Variants in OSBPL1A observed in about 807,000 individuals in gnomAD.
OSBPL1A encodes oxysterol binding protein like 1A, also known as oxysterol-binding protein-related protein 1.
Under a neutral mutation model 137.1 loss-of-function variants are expected in OSBPL1A, and 80 were observed. The observed-to-expected ratio is 0.58, with a 90% CI of 0.49 to 0.70. The LOEUF (loss-of-function observed/expected upper bound fraction) is 0.70. Among genes scored for constraint, OSBPL1A ranks in the 30% least tolerant of loss-of-function variants. The probability of loss-of-function intolerance (pLI) is 0.00; values close to 1 mark genes in which losing one functional copy is unlikely to be tolerated. For synonymous variants in OSBPL1A, 365 were observed against 389.7 expected (o/e 0.94, Z 0.75); for missense variants, 970 against 1,129.4 (o/e 0.86, Z 2.02).
chr18:24,366,585 C>A, intron 4 of OSBPL1A: 1 of 233,320 alleles, frequency 4.3e-6, no homozygotes, highest in East Asian at 8.7e-5. Context: ...GTAAGTTATA[C>A]CTCAATGAAG....
At position 24,317,368 on chromosome 18, in the gene OSBPL1A, C is replaced by T. The variant is rs774455131; in HGVS notation, c.765G>A (p.Trp255Ter). 2 of 1,613,594 alleles carry T rather than the reference C, an allele frequency of 1.2e-6. No homozygotes were observed. Among genetic ancestry groups the T allele is most frequent in the Non-Finnish European group, 8.5e-7 (1 of 1,179,780 alleles). The change falls in exon 10 of 28, where the codon TGG becomes TGA. Residue 255 changes from tryptophan to a stop codon, truncating the protein, a stop_gained. Transcript: ENST00000319481. LOFTEE classifies it high-confidence loss of function. ...SSRFFGWRLFWVVLEHGVLSW... is the reference protein window; with the variant it reads ...SSRFFGWRLF ...AAAGGACTCCATGCTCTAACACTAC[C>T]CAGAATAATCTCCAGCCAAAAAATC...
At position 24,268,525 on chromosome 18, in the gene OSBPL1A, AT is replaced by A. The variant is rs67553198; in HGVS notation, c.1281+12316del. On this transcript the variant is annotated intron_variant, in intron 15 of 27. Coordinates refer to ENST00000319481, the MANE Select transcript of OSBPL1A (RefSeq NM_080597.4). ...TCTGCATGTTCTGCACATGTACCCC[AT>A]TTTTTTTTGTTTTTGTTTTTTAGAA... is the stretch of plus-strand genomic sequence containing the variant. Among the ~76,000 whole-genome samples the A allele has an allele frequency of 4.1e-3, 622 of 150,724 alleles. 4 individuals are homozygous for A. The highest frequency in any genetic ancestry group is 0.014 in the African/African-American group (563 of 41,006).
chr18:24,379,578 G>T (rs116329432), intron 1 of OSBPL1A, among the ~76,000 whole-genome samples: 1 of 151,308 alleles, frequency 6.6e-6, no homozygotes, highest in Non-Finnish European at 1.5e-5. Context: ...TTGAAACGAA[G>T]TTCTAAAAAA....
chr18:24,384,337 G>A (rs1906795830), intron 1 of OSBPL1A, among the ~76,000 whole-genome samples: 1 of 152,214 alleles, frequency 6.6e-6, no homozygotes, highest in African/African-American at 2.4e-5. Flanking sequence ...ACTTTGGGAG[G>A]CCAAGGTGGG....
intron 4 of OSBPL1A, chr18:24,347,732 C>T (rs2091368711): frequency 6.7e-6 from 1 of 149,920 alleles, no homozygotes; most frequent in African/African-American, 2.5e-5. Context: ...ATCCCAACTA[C>T]TCGGGAGGGT....
intron 5 of OSBPL1A, among the ~76,000 whole-genome samples, chr18:24,337,686 C>A (rs373757971): frequency 2.0e-5 from 3 of 151,490 alleles, no homozygotes; most frequent in East Asian, 3.9e-4. Context: ...TGGATTAGAT[C>A]CTAGAATCTA....
chr18:24,190,072 G>T (rs2086848361), intron 18 of OSBPL1A, among the ~76,000 whole-genome samples: 2 of 152,206 alleles, frequency 1.3e-5, no homozygotes, highest in African/African-American at 4.8e-5. Context: ...TTCCTGCTTA[G>T]GAGCTGAAGA....
chr18:24,315,610 AATC>A (rs951042099), intron 11 of OSBPL1A, among the ~76,000 whole-genome samples: 11 of 126,188 alleles, frequency 8.7e-5, no homozygotes, highest in African/African-American at 2.0e-4. Flanking sequence ...TATATATTAT[AATC>A]ATAATATAAT....
intron 18 of OSBPL1A, among the ~76,000 whole-genome samples, chr18:24,183,428 T>A (rs1182748168): frequency 6.6e-6 from 1 of 151,318 alleles, no homozygotes; most frequent in Non-Finnish European, 1.5e-5. Flanking sequence ...TTTTTCTTTT[T>A]CTTTTTCTTT....
chr18:24,214,465 G>C (rs1396811402), intron 17 of OSBPL1A, among the ~76,000 whole-genome samples: 2 of 152,134 alleles, frequency 1.3e-5, no homozygotes, highest in Non-Finnish European at 2.9e-5. Context: ...TAATTTTGTT[G>C]GTTGGGGAGG....
At chr18:24,275,963 A>G (rs2089837398) in intron 15 of OSBPL1A, among the ~76,000 whole-genome samples, 1 of 152,144 alleles carries the variant, frequency 6.6e-6, no homozygotes, top group Non-Finnish European at 1.5e-5. Context: ...TCCTAACCTC[A>G]GGTGATCCAC....
At chr18:24,237,516 G>A (rs2088525710) in intron 16 of OSBPL1A, among the ~76,000 whole-genome samples, 1 of 152,140 alleles carries the variant, frequency 6.6e-6, no homozygotes, top group Non-Finnish European at 1.5e-5. Flanking sequence ...TGTTGCCCAG[G>A]CTGGTCTCGA....
intron 21 of OSBPL1A, among the ~76,000 whole-genome samples, chr18:24,174,383 T>C (rs1239906234): frequency 6.6e-6 from 1 of 152,200 alleles, no homozygotes; most frequent in African/African-American, 2.4e-5. Context: ...AATTCAAAAC[T>C]TGGACATCTG....
At chr18:24,334,711 A>G (rs1388128904) in intron 5 of OSBPL1A, among the ~76,000 whole-genome samples, 2 of 152,236 alleles carry the variant, frequency 1.3e-5, no homozygotes, top group African/African-American at 4.8e-5. Context: ...AGAAAGATGT[A>G]CATGTCGTAT....
At chr18:24,187,944 A>C (rs1455328719) in intron 18 of OSBPL1A, among the ~76,000 whole-genome samples, 1 of 152,346 alleles carries the variant, frequency 6.6e-6, no homozygotes, top group East Asian at 1.9e-4. Context: ...TTTCTGGCTC[A>C]GCTCCCTTCC....
intron 17 of OSBPL1A, among the ~76,000 whole-genome samples, chr18:24,198,129 T>C (rs1052081709): frequency 3.9e-5 from 6 of 152,206 alleles, no homozygotes; most frequent in African/African-American, 1.2e-4. Flanking sequence ...ATCCAAAGTG[T>C]AGCATACCTA....
Position 24,392,466 on chromosome 18 carries a change from C to T in OSBPL1A, c.-3+5189G>A, listed in dbSNP as rs556127791. ...GAGCCACCACACCCGGCCCTATACT[C>T]TAATAAAGACAAAGGGAGACTATTC... On this transcript the variant is annotated intron_variant, in intron 1 of 27. Transcript: ENST00000319481. Among the ~76,000 whole-genome samples the T allele has an allele frequency of 5.9e-5, 9 of 152,078 alleles. No homozygotes were observed. The South Asian group carries it at 1.9e-3, about 32-fold the overall frequency.
intron 23 of OSBPL1A, 98 bp from the exon 24 acceptor site, chr18:24,170,551 A>G: frequency 1.4e-6 from 2 of 1,394,902 alleles, no homozygotes; most frequent in South Asian, 2.4e-5. Context: ...TCCGAGTACT[A>G]ACCAGGCCTG....
intron 14 of OSBPL1A, among the ~76,000 whole-genome samples, chr18:24,283,279 A>ATAT (rs1328962665): frequency 2.2e-3 from 188 of 85,074 alleles, no homozygotes; most frequent in African/African-American, 7.0e-3. Context: ...AAAAAAAAAA[A>ATAT]AAATATATAT....
Sources: gnomAD v4.1 joint callset for allele counts (sites outside exome capture counted in the v4.1 genomes callset) on GRCh38, gnomAD v4.1.1 for gene constraint, MANE v1.5 for transcripts, NCBI Gene and HGNC (gene_info 2026-07-23, HGNC 2026-07-21) for gene names.